EHD4: variants seen among roughly 807,000 people sequenced by gnomAD.
EHD4 encodes the protein EH domain containing 4.
A neutral mutation model predicts 51.0 loss-of-function variants in EHD4; 37 were observed. That is an observed-to-expected ratio of 0.73 (90% CI 0.56 to 0.95). EHD4 has a LOEUF of 0.95. Ranked by LOEUF, EHD4 falls within the 40% of genes least tolerant of loss-of-function variation. EHD4 has a pLI of 0.00. For synonymous variants in EHD4, 297 were observed against 317.3 expected, an observed-to-expected ratio of 0.94 and a Z score of 0.68; for missense variants, 632 against 733.1, an observed-to-expected ratio of 0.86 and a Z score of 1.59.
At chr15:41,904,224 C>T (rs931900315) in intron 5 of EHD4, among the ~76,000 whole-genome samples, 4 of 152,154 alleles carry the variant, frequency 2.6e-5, no homozygotes, top group African/African-American at 4.8e-5. Flanking sequence ...CTGCAGGGGC[C>T]GTGGATTCCG....
chr15:41,916,323 C>T (rs1051119106), intron 4 of EHD4, among the ~76,000 whole-genome samples: 18 of 152,318 alleles, frequency 1.2e-4, no homozygotes, highest in African/African-American at 4.3e-4. Flanking sequence ...AGGTGTCACA[C>T]TGACCGAGGT....
At chr15:41,905,683 C>G (rs2067507573) in intron 5 of EHD4, among the ~76,000 whole-genome samples, 1 of 152,114 alleles carries the variant, frequency 6.6e-6, no homozygotes, top group Non-Finnish European at 1.5e-5. Flanking sequence ...TTCATTTTTT[C>G]TGTTTTTTGA....
Position 41,900,357 on chromosome 15 carries a change from G to A in EHD4, c.*288C>T, listed in dbSNP as rs893659189. On this transcript the variant is annotated 3_prime_UTR_variant, in exon 6 of 6. Transcript: ENST00000220325. This position sits in a 1 kb window ranked among gnomAD's most constrained non-coding sequence, Gnocchi z 4.8. ...GGACTTACCAGGCCCACCCCCATGCGCATTTCTCCAGGCAGGTTCTGAGGA... is the reference window on the plus strand; with the variant it reads ...GGACTTACCAGGCCCACCCCCATGCACATTTCTCCAGGCAGGTTCTGAGGA... 2.2e-5 allele frequency: 9 copies of A among 417,242 alleles called. No individual in the cohort carries two copies. Among genetic ancestry groups the A allele is most frequent in the Non-Finnish European group, 1.7e-5 (4 of 231,836 alleles). 25.8% of individuals were successfully genotyped at this position (417,242 alleles called of 1,614,324 possible).
At chr15:41,923,468 C>T (rs773012825) in intron 3 of EHD4, among the ~76,000 whole-genome samples, 2 of 152,190 alleles carry the variant, frequency 1.3e-5, no homozygotes, top group Non-Finnish European at 2.9e-5. Flanking sequence ...TCAGAAGGAC[C>T]TAGAGACCAC....
chr15:41,953,542 T>C (rs74669929), intron 2 of EHD4, among the ~76,000 whole-genome samples: 2,580 of 152,290 alleles, frequency 0.017, 87 homozygotes, highest in African/African-American at 0.059. Flanking sequence ...AATGTCCAGT[T>C]CTGGGCCTTA....
intron 4 of EHD4, among the ~76,000 whole-genome samples, chr15:41,916,513 T>C (rs1186000727): frequency 6.6e-6 from 1 of 152,102 alleles, no homozygotes; most frequent in African/African-American, 2.4e-5. Context: ...ACAGTTGGTG[T>C]GAAAAAGGAA....
intron 4 of EHD4, 114 bp downstream of exon 4, chr15:41,919,096 A>T: frequency 7.2e-7 from 1 of 1,380,194 alleles, no homozygotes; most frequent in East Asian, 2.3e-5. Context: ...AACCTAGCGC[A>T]TGTTCATTCC....
intron 5 of EHD4, among the ~76,000 whole-genome samples, chr15:41,902,777 G>A (rs192924786): frequency 0.023 from 3,438 of 148,440 alleles, 144 homozygotes; most frequent in African/African-American, 0.082. Flanking sequence ...ATGTATGTGT[G>A]TATATATATG....
At chr15:41,938,713 C>A (rs1312921078) in intron 3 of EHD4, among the ~76,000 whole-genome samples, 1 of 152,142 alleles carries the variant, frequency 6.6e-6, no homozygotes, top group African/African-American at 2.4e-5. Flanking sequence ...ATTTTTATTA[C>A]CAAAATCAAG....
At chr15:41,923,499 T>G (rs1187249896) in intron 3 of EHD4, among the ~76,000 whole-genome samples, 2 of 152,214 alleles carry the variant, frequency 1.3e-5, no homozygotes, top group African/African-American at 4.8e-5. Context: ...AGCCTGTTCC[T>G]GTGTTGGAAT....
Position 41,943,078 on chromosome 15 carries a change from C to G in EHD4, c.500G>C (p.Arg167Pro). Residue 167 changes from arginine (R) to proline (P), a missense_variant, in exon 3 of 6, where the codon CGC becomes CCC. Transcript: ENST00000220325. ...SPGILSGEKQ[R>P]ISRGYDFCQV... ...GGACAGGCACTGACCTCGGCTGATG[C>G]GCTGCTTCTCCCCAGAAAGGATGCC... 1.3e-6 allele frequency: 2 copies of G among 1,576,810 alleles called. No individual in the cohort carries two copies. Among genetic ancestry groups the G allele is most frequent in the African/African-American group, 1.3e-5 (1 of 74,586 alleles).
At chr15:41,908,795 T>G (rs76286595) in intron 5 of EHD4, 1 of 152,220 alleles carries the variant, frequency 6.6e-6, no homozygotes, top group African/African-American at 2.4e-5. Flanking sequence ...TCTTGGAACC[T>G]TCTTCTCTAT....
chr15:41,919,154 G>T (rs940865551), intron 4 of EHD4, 56 bp downstream of exon 4: 6 of 1,605,284 alleles, frequency 3.7e-6, no homozygotes, highest in Non-Finnish European at 5.1e-6. Flanking sequence ...TGCCTCTGGA[G>T]AGGAGACAGC....
At chr15:41,961,978 G>C (rs1747437663) in intron 1 of EHD4, among the ~76,000 whole-genome samples, 1 of 152,140 alleles carries the variant, frequency 6.6e-6, no homozygotes, top group African/African-American at 2.4e-5. Context: ...CAACTCAGTA[G>C]CTTCCTTACA....
Position 41,919,534 on chromosome 15 carries a change from T to C in EHD4, c.600A>G (p.Ser200=). ...CCTTGATGGCCTCTGAGAATTCATC[T>C]GAGATGTCCAGCTTGTGAGCGTCAA... The part of the protein sequence containing the change: ...LLFDAHKLDI[S]DEFSEAIKAF... The change falls in exon 4 of 6, where the codon TCA becomes TCG. Residue 200 remains serine (S), a synonymous_variant. Transcript: ENST00000220325. 6.5e-7 allele frequency: 1 copy of C among 1,537,636 alleles called. No individual in the cohort carries two copies. Among genetic ancestry groups the C allele is most frequent in the East Asian group, 2.3e-5 (1 of 44,372 alleles).
At chr15:41,929,933 A>G (rs540194083) in intron 3 of EHD4, among the ~76,000 whole-genome samples, 1 of 152,374 alleles carries the variant, frequency 6.6e-6, no homozygotes, top group African/African-American at 2.4e-5. Flanking sequence ...AGATGGCTAC[A>G]GGAATACTGA....
intron 3 of EHD4, among the ~76,000 whole-genome samples, chr15:41,923,670 G>C (rs1281438406): frequency 6.6e-6 from 1 of 152,202 alleles, no homozygotes; most frequent in Admixed American, 6.5e-5. Context: ...GAATACCAGG[G>C]TGGGGAAATT....
intron 2 of EHD4, among the ~76,000 whole-genome samples, chr15:41,946,775 A>G (rs2067818035): frequency 6.6e-6 from 1 of 152,152 alleles, no homozygotes; most frequent in Admixed American, 6.5e-5. Context: ...GGGCAAGGAG[A>G]TTACTTAAAA....
At chr15:41,902,157 G>T (rs1236053908) in intron 5 of EHD4, among the ~76,000 whole-genome samples, 1 of 152,112 alleles carries the variant, frequency 6.6e-6, no homozygotes, top group East Asian at 1.9e-4. Context: ...GCCCAACCAG[G>T]CTGGGGCAGA....
Sources: gnomAD v4.1 joint callset for allele counts (sites outside exome capture counted in the v4.1 genomes callset) on GRCh38, gnomAD v4.1.1 for gene constraint, Gnocchi (gnomAD v3.1) non-coding constraint, MANE v1.5 for transcripts, NCBI Gene and HGNC (gene_info 2026-07-23, HGNC 2026-07-21) for gene names.